The following CREB5 variants were observed in gnomAD, a reference collection of about 807,000 sequenced individuals.
CREB5 encodes the protein cAMP responsive element binding protein 5.
In CREB5, 19 loss-of-function variants were observed where a neutral mutation model predicts 57.1. The ratio of observed to expected loss-of-function variants is 0.33; its 90% CI spans 0.23 to 0.49. The LOEUF (loss-of-function observed/expected upper bound fraction) is 0.49, where lower values mean the gene tolerates loss of function less well. Ranked by LOEUF, CREB5 falls within the 20% of genes least tolerant of loss-of-function variation. The probability of loss-of-function intolerance (pLI) is 0.99; values close to 1 mark genes in which losing one functional copy is unlikely to be tolerated. For synonymous variants in CREB5, 238 were observed against 238.3 expected (o/e 1.00, Z 0.01); for missense variants, 579 against 671.6 (o/e 0.86, Z 1.52).
chr7:28,342,295 T>G (rs1208887696), intron 1 of CREB5, among the ~76,000 whole-genome samples: 2 of 152,212 alleles, frequency 1.3e-5, no homozygotes, highest in African/African-American at 4.8e-5. Context: ...GAAGGATAGA[T>G]GAGGGTTAGT....
chr7:28,707,968 T>C (rs1238677343), intron 5 of CREB5, among the ~76,000 whole-genome samples: 1 of 152,206 alleles, frequency 6.6e-6, no homozygotes, highest in Non-Finnish European at 1.5e-5. Context: ...TTTAGTATTT[T>C]CTCATGCTTC....
intron 5 of CREB5, among the ~76,000 whole-genome samples, chr7:28,613,588 G>A (rs1394880592): frequency 6.6e-6 from 1 of 152,206 alleles, no homozygotes; most frequent in Non-Finnish European, 1.5e-5. Flanking sequence ...GATAAGCTCT[G>A]GGACTACTCC....
At chr7:28,322,634 C>A (rs1441219437) in intron 1 of CREB5, among the ~76,000 whole-genome samples, 1 of 140,670 alleles carries the variant, frequency 7.1e-6, no homozygotes, top group Non-Finnish European at 1.5e-5. Context: ...GTATGATGTT[C>A]CCCTCCCTGT....
intron 9 of CREB5, among the ~76,000 whole-genome samples, chr7:28,815,751 G>A (rs1159103293): frequency 1.3e-5 from 2 of 152,162 alleles, no homozygotes; most frequent in Non-Finnish European, 2.9e-5. Flanking sequence ...AAGAAATGGA[G>A]ACTAAATTCA....
At chr7:28,618,917 T>A (rs73081812) in intron 5 of CREB5, among the ~76,000 whole-genome samples, 14,221 of 152,308 alleles carry the variant, frequency 0.093, 741 homozygotes, top group African/African-American at 0.12. Flanking sequence ...CAGGCATTTG[T>A]TACATGCTCA....
At chr7:28,491,567 A>C (rs377124661) in intron 2 of CREB5, among the ~76,000 whole-genome samples, 1 of 152,208 alleles carries the variant, frequency 6.6e-6, no homozygotes, top group African/African-American at 2.4e-5. Context: ...GAACAATTCC[A>C]AGCTTCCCCC....
chr7:28,650,599 C>T (rs189523153), intron 5 of CREB5, among the ~76,000 whole-genome samples: 1 of 152,072 alleles, frequency 6.6e-6, no homozygotes, highest in Non-Finnish European at 1.5e-5. Flanking sequence ...CTTCCCCCCC[C>T]AACCTTCCAT....
At chr7:28,661,210 T>G (rs771267288) in intron 5 of CREB5, among the ~76,000 whole-genome samples, 1 of 152,174 alleles carries the variant, frequency 6.6e-6, no homozygotes, top group Non-Finnish European at 1.5e-5. Context: ...CAGTGAAGCC[T>G]TCTTCAATTG....
At position 28,414,372 on chromosome 7, in the gene CREB5, A is replaced by G. The variant is rs573259790; in HGVS notation, c.3+1455A>G. 1.3e-4 allele frequency among the ~76,000 whole-genome samples: 20 copies of G among 152,066 alleles called. No homozygotes were observed. The South Asian group carries it at 4.2e-3, about 32-fold the overall frequency. On this transcript the variant is annotated intron_variant, in intron 1 of 10. Coordinates refer to ENST00000357727, the MANE Select transcript of CREB5 (RefSeq NM_182898.4). The stretch of plus-strand genomic sequence containing the variant: ...CATTATCTTGTCCACTTTGACTACC[A>G]GCTGTATTATGGGAATCAACCAATG...
At chr7:28,728,714 G>A (rs761705521) in intron 7 of CREB5, among the ~76,000 whole-genome samples, 7 of 152,166 alleles carry the variant, frequency 4.6e-5, no homozygotes, top group Non-Finnish European at 8.8e-5. Context: ...ACTGAGAAAG[G>A]CCCCATGAAT....
intron 1 of CREB5, among the ~76,000 whole-genome samples, chr7:28,404,346 G>GGGATGAAA (rs1264907404): frequency 6.6e-6 from 1 of 152,098 alleles, no homozygotes; most frequent in Non-Finnish European, 1.5e-5. Context: ...AGAAAGTTCT[G>GGGATGAAA]GTTTGAAAGG....
intron 4 of CREB5, among the ~76,000 whole-genome samples, chr7:28,514,103 G>A (rs759761308): frequency 5.3e-5 from 8 of 152,198 alleles, no homozygotes; most frequent in Non-Finnish European, 8.8e-5. Context: ...CTCCCTTGGC[G>A]AGTTTGCATA....
chr7:28,643,756 G>GGA (rs1554279445), intron 5 of CREB5, among the ~76,000 whole-genome samples: 1 of 82,164 alleles, frequency 1.2e-5, no homozygotes, highest in Non-Finnish European at 2.3e-5. Flanking sequence ...GGAGGTGGGG[G>GGA]GGGGCGGAAG....
chr7:28,338,528 T>C (rs1054910578), intron 1 of CREB5, among the ~76,000 whole-genome samples: 1 of 152,178 alleles, frequency 6.6e-6, no homozygotes, highest in Non-Finnish European at 1.5e-5. Context: ...ATTTCTTTTC[T>C]CTTGCTGCTT....
Position 28,551,833 on chromosome 7 carries a change from C to A in CREB5, c.292-18532C>A, listed in dbSNP as rs79060387. 2.3e-4 allele frequency among the ~76,000 whole-genome samples: 34 copies of A among 149,140 alleles called. No individual in the cohort carries two copies. In the East Asian group the frequency reaches 6.5e-3, roughly 29 times the overall value. On this transcript the variant is annotated intron_variant, in intron 4 of 10. Coordinates refer to ENST00000357727, the MANE Select transcript of CREB5 (RefSeq NM_182898.4). ...TCACCTCTATGATTTTTCTTTCTTTCTTTCTTTCTTTTTCTTTCTTTCTTT... is the reference window on the plus strand; with the variant it reads ...TCACCTCTATGATTTTTCTTTCTTTATTTCTTTCTTTTTCTTTCTTTCTTT...
chr7:28,709,215 G>GT (rs1161891097), intron 5 of CREB5, among the ~76,000 whole-genome samples: 2 of 152,190 alleles, frequency 1.3e-5, no homozygotes, highest in Admixed American at 6.5e-5. Context: ...CTTCATGTCT[G>GT]TAAGTCTGAC....
chr7:28,780,323 T>C (rs1346828995), intron 7 of CREB5, among the ~76,000 whole-genome samples: 1 of 152,226 alleles, frequency 6.6e-6, no homozygotes, highest in Non-Finnish European at 1.5e-5. Flanking sequence ...TACTCTGCAC[T>C]GCAGAAAACA....
intron 5 of CREB5, among the ~76,000 whole-genome samples, chr7:28,650,020 C>T (rs1799063223): frequency 6.6e-6 from 1 of 152,152 alleles, no homozygotes; most frequent in Non-Finnish European, 1.5e-5. Context: ...ATGTGCAAAA[C>T]CGGTAGATAA....
At chr7:28,446,418 G>T (rs1266302421) in intron 1 of CREB5, among the ~76,000 whole-genome samples, 1 of 152,186 alleles carries the variant, frequency 6.6e-6, no homozygotes, top group African/African-American at 2.4e-5. Context: ...GAGCACAAAA[G>T]AACTAGACAT....
Sources: gnomAD v4.1 joint callset for allele counts (sites outside exome capture counted in the v4.1 genomes callset) on GRCh38, gnomAD v4.1.1 for gene constraint, MANE v1.5 for transcripts, NCBI Gene and HGNC (gene_info 2026-07-23, HGNC 2026-07-21) for gene names.